The following MED13 variants were observed in gnomAD, a reference collection of about 807,000 sequenced individuals.
The protein encoded by MED13 is mediator of RNA polymerase II transcription subunit 13.
MED13 carries 23 observed loss-of-function variants against 225.2 expected under a neutral mutation model. That is an observed-to-expected ratio of 0.10 (90% CI 0.07 to 0.14). MED13 has a LOEUF of 0.14. Among genes scored for constraint, MED13 ranks in the 10% least tolerant of loss-of-function variants. MED13 has a pLI of 1.00. For synonymous variants in MED13, 942 were observed against 889.2 expected, an observed-to-expected ratio of 1.06 and a Z score of -1.06; for missense variants, 2,197 against 2,594.5, an observed-to-expected ratio of 0.85 and a Z score of 3.33.
chr17:61,999,433 C>T (rs1372201340), intron 9 of MED13, among the ~76,000 whole-genome samples: 5 of 152,080 alleles, frequency 3.3e-5, no homozygotes, highest in Non-Finnish European at 7.4e-5. Flanking sequence ...AGAAATTTTG[C>T]TATCTTTAAA....
At chr17:62,018,384 T>C (rs1175687071) in intron 8 of MED13, among the ~76,000 whole-genome samples, 1 of 152,168 alleles carries the variant, frequency 6.6e-6, no homozygotes, top group East Asian at 1.9e-4. Flanking sequence ...CACATTGTAT[T>C]AGGTATTATA....
chr17:61,957,205 T>C (rs2143319777), intron 23 of MED13, among the ~76,000 whole-genome samples: 1 of 149,534 alleles, frequency 6.7e-6, no homozygotes, highest in African/African-American at 2.5e-5. Context: ...CACCACCACG[T>C]CTAGCTAATT....
At chr17:62,002,192 A>G (rs1363573641) in intron 9 of MED13, among the ~76,000 whole-genome samples, 3 of 152,200 alleles carry the variant, frequency 2.0e-5, no homozygotes, top group African/African-American at 7.2e-5. Flanking sequence ...GGGTTGTTTA[A>G]ATGCCATCAA....
At chr17:61,962,562 C>T (rs1467945557) in intron 21 of MED13, among the ~76,000 whole-genome samples, 190 bp downstream of exon 21, 1 of 152,124 alleles carries the variant, frequency 6.6e-6, no homozygotes, top group Non-Finnish European at 1.5e-5. Flanking sequence ...TGTATTATTA[C>T]TGTCATATGA....
chr17:62,063,177 T>C lies in MED13; in HGVS notation c.191A>G (p.Asp64Gly). Reference sequence around the variant, plus strand: ...ATCTCGCCGCCAAACACCAAGTACATCTGCCTTAAGGCAGCGACTAAAACT... The same window carrying C: ...ATCTCGCCGCCAAACACCAAGTACACCTGCCTTAAGGCAGCGACTAAAACT... ...LSSFSRCLKA[D>G]VLGVWRRDQR... The change falls in exon 2 of 30, where the codon GAT (aspartate) becomes GGT (glycine). Residue 64 changes from aspartate (D) to glycine (G), a missense_variant. By Grantham distance (94) the Asp-to-Gly change is moderately conservative. This residue lies in a region of MED13 where 884 missense variants were observed against 918.5 expected (regional missense o/e 0.96). Transcript: ENST00000397786. 1.2e-6 allele frequency: 2 copies of C among 1,614,152 alleles called. No homozygotes were observed. The highest frequency in any genetic ancestry group is 1.7e-6 in the Non-Finnish European group (2 of 1,180,016).
At chr17:61,984,555 C>T (rs1023441904) in intron 14 of MED13, 96 bp downstream of exon 14, 26 of 1,150,378 alleles carry the variant, frequency 2.3e-5, no homozygotes, top group Middle Eastern at 3.0e-4. Context: ...GCTACAAAAC[C>T]GCAACCACTA....
chr17:61,976,967 T>C (rs1272836622), intron 16 of MED13, among the ~76,000 whole-genome samples: 1 of 152,036 alleles, frequency 6.6e-6, no homozygotes, highest in Non-Finnish European at 1.5e-5. Context: ...AAAAAATACA[T>C]ATATATACAA....
In MED13 at chr17:61,982,467, T is replaced by C; in HGVS notation, c.3536A>G (p.Lys1179Arg). 6.2e-7 allele frequency: 1 copy of C among 1,614,232 alleles called. No individual in the cohort carries two copies. The highest frequency in any genetic ancestry group is 8.5e-7 in the Non-Finnish European group (1 of 1,180,050). The change falls in exon 16 of 30, where the codon AAG (lysine) becomes AGG (arginine). Residue 1179 changes from lysine (K) to arginine (R), a missense_variant. This residue lies in a region of MED13 where 203 missense variants were observed against 209.7 expected (regional missense o/e 0.97). Transcript: ENST00000397786. ...TSAEHVNGGL[K>R]ESEKLSDDLI... ...ATCATCAGATAATTTTTCAGATTCCTTTAGTCCTCCATTAACATGTTCAGC... is the reference window on the plus strand; with the variant it reads ...ATCATCAGATAATTTTTCAGATTCCCTTAGTCCTCCATTAACATGTTCAGC...
chr17:61,958,306 T>C (rs1389271061), intron 23 of MED13, among the ~76,000 whole-genome samples: 1 of 152,182 alleles, frequency 6.6e-6, no homozygotes, highest in Non-Finnish European at 1.5e-5. Context: ...TAGCTGGGAC[T>C]ACAGGCGCGT....
chr17:61,948,638 T>C (rs1420258667), intron 28 of MED13, among the ~76,000 whole-genome samples: 1 of 151,522 alleles, frequency 6.6e-6, no homozygotes, highest in Non-Finnish European at 1.5e-5. Flanking sequence ...AGACTACTAG[T>C]ATATAGAAAA....
chr17:61,966,797 G>C (rs1443995719), intron 18 of MED13, 146 bp from the exon 19 acceptor site: 32 of 492,692 alleles, frequency 6.5e-5, no homozygotes, highest in Non-Finnish European at 1.1e-4. Flanking sequence ...GGTGTTTTTA[G>C]AAGTAGGCCA....
At chr17:62,059,696 A>C (rs2081022862) in intron 2 of MED13, among the ~76,000 whole-genome samples, 1 of 152,248 alleles carries the variant, frequency 6.6e-6, no homozygotes, top group Admixed American at 6.5e-5. Flanking sequence ...AGAGAGACAG[A>C]GGCAGACTAA....
rs191835696 is a variant in MED13 at position 62,052,194 on chromosome 17, T to G, written c.470+343A>C. Among the ~76,000 whole-genome samples the G allele has an allele frequency of 1.1e-4, 17 of 152,312 alleles. No homozygotes were observed. In the East Asian group the frequency reaches 3.1e-3, roughly 28 times the overall value. On this transcript the variant is annotated intron_variant, in intron 3 of 29. Coordinates refer to ENST00000397786, the MANE Select transcript of MED13 (RefSeq NM_005121.3). ...AACAGGTGTTGTTACTTAATTTTAA[T>G]ATCAGAGTGCTGTGCATATATTTCC...
chr17:62,043,730 A>G (rs909917531), intron 3 of MED13, among the ~76,000 whole-genome samples: 1 of 152,224 alleles, frequency 6.6e-6, no homozygotes, highest in Non-Finnish European at 1.5e-5. Context: ...ACACACACCT[A>G]ATTTCAAAAG....
intron 26 of MED13, 30 bp downstream of exon 26, chr17:61,955,352 C>A: frequency 1.4e-6 from 2 of 1,469,668 alleles, no homozygotes; most frequent in Non-Finnish European, 1.8e-6. Context: ...GGGTATTCTT[C>A]AGACTACCAA....
chr17:62,007,708 C>A (rs2080464298), intron 9 of MED13, among the ~76,000 whole-genome samples: 2 of 151,578 alleles, frequency 1.3e-5, no homozygotes, highest in African/African-American at 4.8e-5. Flanking sequence ...ATTAGCCGGG[C>A]ATGGTGGCAG....
intron 2 of MED13, among the ~76,000 whole-genome samples, chr17:62,053,986 A>C (rs1275316762): frequency 6.6e-6 from 1 of 152,206 alleles, no homozygotes; most frequent in Non-Finnish European, 1.5e-5. Flanking sequence ...CTTTCAAAGC[A>C]ACTAATTTTT....
intron 23 of MED13, among the ~76,000 whole-genome samples, chr17:61,956,801 A>C (rs1457568741): frequency 6.6e-6 from 1 of 152,104 alleles, no homozygotes. Flanking sequence ...GTCCCCTCAA[A>C]GTGCTGGATT....
chr17:62,029,569 T>C lies in MED13; in HGVS notation c.1255A>G (p.Thr419Ala), dbSNP rs762367440. 1 of 1,614,168 alleles carries C rather than the reference T, an allele frequency of 6.2e-7. No homozygotes were observed. The highest frequency in any genetic ancestry group is 1.7e-5 in the Admixed American group (1 of 60,030). ...AAACAACTGCAATTTGTTCTTTGTGTGGCTTCAACAAAATCCCAGGATGCC... is the reference window on the plus strand; with the variant it reads ...AAACAACTGCAATTTGTTCTTTGTGCGGCTTCAACAAAATCCCAGGATGCC... The part of the protein sequence containing the change: ...KVASWDFVEA[T>A]QRTNCSCLRH... Residue 419 changes from threonine (T) to alanine (A), a missense_variant, in exon 8 of 30, where the codon ACA becomes GCA. Coordinates refer to ENST00000397786, the MANE Select transcript of MED13 (RefSeq NM_005121.3).
Sources: allele counts gnomAD v4.1 joint callset (sites outside exome capture counted in the v4.1 genomes callset), GRCh38; gene constraint gnomAD v4.1.1; regional missense constraint gnomAD v4.1.1; transcripts MANE v1.5; gene names NCBI Gene and HGNC (gene_info 2026-07-23, HGNC 2026-07-21).